PPP1R12B: variants seen among roughly 807,000 people sequenced by gnomAD.
PPP1R12B encodes the protein myosin phosphatase target subunit 2.
In PPP1R12B, 76 loss-of-function variants were observed where a neutral mutation model predicts 126.1. The observed-to-expected ratio is 0.60, with a 90% CI of 0.50 to 0.73. The LOEUF is 0.73. PPP1R12B is among the 30% of genes least tolerant of loss of function. The probability of loss-of-function intolerance (pLI) is 0.00; values close to 1 mark genes in which losing one functional copy is unlikely to be tolerated. For synonymous variants in PPP1R12B, 356 were observed against 434.7 expected (o/e 0.82, Z 2.25); for missense variants, 1,052 against 1,205.1 (o/e 0.87, Z 1.88).
chr1:202,352,677 A>G (rs1376850763), intron 1 of PPP1R12B, among the ~76,000 whole-genome samples: 1 of 152,134 alleles, frequency 6.6e-6, no homozygotes, highest in Non-Finnish European at 1.5e-5. Context: ...TCACGAGGTC[A>G]GGAGTTCGAG....
intron 18 of PPP1R12B, among the ~76,000 whole-genome samples, chr1:202,499,682 C>T (rs568812683): frequency 3.4e-4 from 52 of 152,278 alleles, no homozygotes; most frequent in African/African-American, 1.3e-3. Context: ...TTAAAGATTT[C>T]AAAAGAAGAT....
chr1:202,485,766 C>T (rs900949087), intron 13 of PPP1R12B, among the ~76,000 whole-genome samples: 5 of 152,114 alleles, frequency 3.3e-5, no homozygotes, highest in Admixed American at 2.0e-4. Flanking sequence ...ATTGAAATAT[C>T]GTTGTTTATT....
chr1:202,468,780 C>A (rs1173258661), intron 13 of PPP1R12B, among the ~76,000 whole-genome samples: 6 of 152,056 alleles, frequency 3.9e-5, no homozygotes, highest in African/African-American at 1.4e-4. Context: ...ATGGTGAAAT[C>A]CTGTCTCTAC....
At chr1:202,560,797 A>G (rs1367670937) in intron 19 of PPP1R12B, among the ~76,000 whole-genome samples, 5 of 152,216 alleles carry the variant, frequency 3.3e-5, no homozygotes, top group Admixed American at 3.3e-4. Flanking sequence ...CCATAAAGAT[A>G]AAAATCATCA....
In PPP1R12B at chr1:202,562,886, C is replaced by T. The variant is rs1440811326; in HGVS notation, c.2616C>T (p.Ser872=). The part of the protein sequence containing the change: ...AREARLATLT[S]RVEEDSNRDY... The stretch of plus-strand genomic sequence containing the variant: ...AGGCCCGCCTAGCCACCCTGACCAG[C>T]CGTGTAGAAGAAGACAGCAACAGAG... Residue 872 remains serine (S), a synonymous_variant, in exon 20 of 24, where the codon AGC becomes AGT. Coordinates refer to ENST00000608999, the MANE Select transcript of PPP1R12B (RefSeq NM_002481.4). The T allele has an allele frequency of 1.2e-6, 2 of 1,602,226 alleles. No individual in the cohort carries two copies. The highest frequency in any genetic ancestry group is 1.7e-6 in the Non-Finnish European group (2 of 1,176,714).
intron 2 of PPP1R12B, among the ~76,000 whole-genome samples, chr1:202,422,025 A>G (rs772647776): frequency 3.3e-5 from 5 of 152,258 alleles, no homozygotes; most frequent in Non-Finnish European, 5.9e-5. Context: ...TCTGAAAATC[A>G]AAAAGGATCT....
chr1:202,485,806 A>G (rs1222462445), intron 13 of PPP1R12B, among the ~76,000 whole-genome samples: 1 of 152,106 alleles, frequency 6.6e-6, no homozygotes, highest in East Asian at 1.9e-4. Context: ...TGTGGAGAGG[A>G]TGGGCTTTAG....
At chr1:202,446,443 C>T (rs1245369211) in intron 12 of PPP1R12B, among the ~76,000 whole-genome samples, 7 of 148,104 alleles carry the variant, frequency 4.7e-5, no homozygotes, top group South Asian at 2.1e-4. Context: ...TTAGTAGAGA[C>T]GGGGTTTCAC....
chr1:202,397,311 C>G (rs1003622571), intron 1 of PPP1R12B, among the ~76,000 whole-genome samples: 2 of 152,208 alleles, frequency 1.3e-5, no homozygotes, highest in East Asian at 3.9e-4. Context: ...TCTTGAAACA[C>G]TTTCATCCTA....
At chr1:202,384,643 A>C (rs1662843287) in intron 1 of PPP1R12B, among the ~76,000 whole-genome samples, 1 of 152,234 alleles carries the variant, frequency 6.6e-6, no homozygotes, top group Admixed American at 6.5e-5. Context: ...ATGGTTGCAC[A>C]ATTCTATGAA....
intron 1 of PPP1R12B, among the ~76,000 whole-genome samples, chr1:202,355,989 G>A (rs907682763): frequency 1.3e-5 from 2 of 151,964 alleles, no homozygotes; most frequent in African/African-American, 4.8e-5. Flanking sequence ...GAGCAATGTG[G>A]TGAGACCCTA....
At chr1:202,566,761 G>A (rs1221572060) in intron 21 of PPP1R12B, among the ~76,000 whole-genome samples, 5 of 152,100 alleles carry the variant, frequency 3.3e-5, no homozygotes, top group Non-Finnish European at 7.4e-5. Context: ...CAGGACAGGA[G>A]CCAGAATTCT....
chr1:202,566,224 C>G (rs539563850), intron 21 of PPP1R12B, among the ~76,000 whole-genome samples: 101 of 152,334 alleles, frequency 6.6e-4, no homozygotes, highest in African/African-American at 2.4e-3. Context: ...TTGACTTGCA[C>G]AGAGGGCACT....
At chr1:202,488,862 G>T (rs941911693) in intron 14 of PPP1R12B, among the ~76,000 whole-genome samples, 4 of 152,132 alleles carry the variant, frequency 2.6e-5, no homozygotes, top group Non-Finnish European at 5.9e-5. Context: ...TGGCCAACGT[G>T]GTGAAACCTG....
At chr1:202,396,215 C>A (rs1464150966) in intron 1 of PPP1R12B, among the ~76,000 whole-genome samples, 5 of 152,142 alleles carry the variant, frequency 3.3e-5, no homozygotes, top group African/African-American at 1.2e-4. Flanking sequence ...TAGGTTGTTA[C>A]ATTTAGAGTT....
At position 202,495,686 on chromosome 1, in the gene PPP1R12B, A is replaced by C; in HGVS notation, c.2448+4A>C. On this transcript the variant is annotated splice_donor_region_variant and intron_variant, in intron 17 of 23. Transcript: ENST00000608999. ...CATCAATTTCTGGACAAAGGATGTA[A>C]GTGGATTGGTCTGTGCTGAGGCATA... 1 of 1,612,628 alleles carries C rather than the reference A, an allele frequency of 6.2e-7. No homozygotes were observed. The highest frequency in any genetic ancestry group is 2.2e-5 in the East Asian group (1 of 44,858).
intron 19 of PPP1R12B, among the ~76,000 whole-genome samples, chr1:202,562,222 T>C (rs1199927264): frequency 1.3e-5 from 2 of 152,228 alleles, no homozygotes; most frequent in African/African-American, 4.8e-5. Context: ...ATGGATAAGA[T>C]GGTAGAAAAC....
chr1:202,538,267 TTA>T (rs1484396246), intron 18 of PPP1R12B, among the ~76,000 whole-genome samples: 12 of 152,358 alleles, frequency 7.9e-5, no homozygotes, highest in Admixed American at 7.8e-4. Context: ...AGTGCTGGGA[TTA>T]CAGGCGTGAG....
chr1:202,387,046 T>C (rs4950848), intron 1 of PPP1R12B, among the ~76,000 whole-genome samples: 66,022 of 152,062 alleles, frequency 0.43, 15,699 homozygotes, highest in East Asian at 0.71. Flanking sequence ...TATTGATGTT[T>C]ATATTTGCAT....
Sources: gnomAD v4.1 joint callset for allele counts (sites outside exome capture counted in the v4.1 genomes callset) on GRCh38, gnomAD v4.1.1 for gene constraint, MANE v1.5 for transcripts, NCBI Gene and HGNC (gene_info 2026-07-23, HGNC 2026-07-21) for gene names.